Variants in RNF144A observed in about 807,000 individuals in gnomAD.
RNF144A encodes the protein E3 ubiquitin-protein ligase RNF144A.
Under a neutral mutation model 38.7 loss-of-function variants are expected in RNF144A, and 11 were observed. That is an observed-to-expected ratio of 0.28 (90% confidence interval 0.18 to 0.47). RNF144A has a LOEUF of 0.47. Among genes scored for constraint, RNF144A ranks in the 20% least tolerant of loss-of-function variants. The pLI, the probability that RNF144A is intolerant of heterozygous loss-of-function variation, is 0.99. For missense variants in RNF144A, 316 were observed against 377.2 expected (o/e 0.84, Z 1.34); for synonymous variants, 149 against 143.9 (o/e 1.04, Z -0.25).
chr2:7,035,717 G>A (rs1672626822), intron 8 of RNF144A, among the ~76,000 whole-genome samples: 1 of 152,150 alleles, frequency 6.6e-6, no homozygotes, highest in South Asian at 2.1e-4. Context: ...TAGATGTGAA[G>A]CTCAGTAAGA....
chr2:7,040,386 G>T lies in RNF144A; in HGVS notation c.*626G>T. On this transcript the variant is annotated 3_prime_UTR_variant, in exon 9 of 9. Transcript: ENST00000320892. ...ATTTAGAAAGCCTTATGCACTCTTT[G>T]TGTTTTTCTTGAAACTTGCTGTAGT... 1 of 985,370 alleles carries T rather than the reference G, an allele frequency of 1.0e-6. No homozygotes were observed. Among genetic ancestry groups the T allele is most frequent in the Non-Finnish European group, 1.2e-6 (1 of 829,916 alleles). The allele number at this position is 985,370 out of a possible 1,614,324, so 61.0% of individuals were successfully genotyped here. A position where few individuals can be genotyped will look rare whatever the true frequency, so the allele number is the denominator to read the frequency against.
chr2:6,949,418 T>G (rs1666539591), intron 2 of RNF144A, among the ~76,000 whole-genome samples: 2 of 151,880 alleles, frequency 1.3e-5, no homozygotes, highest in African/African-American at 2.4e-5. Context: ...CTTTTTTTTT[T>G]TTTAAGGAAA....
At chr2:6,972,081 T>C (rs542942593) in intron 2 of RNF144A, among the ~76,000 whole-genome samples, 254 of 152,276 alleles carry the variant, frequency 1.7e-3, no homozygotes, top group Non-Finnish European at 2.1e-3. Context: ...CACAAACTTA[T>C]ACAAGTAACT....
intron 5 of RNF144A, 31 bp from the exon 6 acceptor site, chr2:7,020,442 T>C (rs1280988126): frequency 1.3e-6 from 2 of 1,597,774 alleles, no homozygotes; most frequent in South Asian, 1.1e-5. Flanking sequence ...TGGCTTAAGT[T>C]TGATTTGTCC....
At chr2:7,030,315 C>T in intron 8 of RNF144A, 100 bp downstream of exon 8, 1 of 806,226 alleles carries the variant, frequency 1.2e-6, no homozygotes, top group Non-Finnish European at 2.1e-6. Flanking sequence ...GTATGTATAT[C>T]TTTAGTGTTT....
intron 3 of RNF144A, among the ~76,000 whole-genome samples, chr2:6,998,015 A>G (rs1222811807): frequency 6.6e-6 from 1 of 152,234 alleles, no homozygotes; most frequent in Non-Finnish European, 1.5e-5. Flanking sequence ...TTTATGATGT[A>G]TACACGTATA....
Position 6,941,477 on chromosome 2 carries a change from G to A in RNF144A, c.-12+330G>A, listed in dbSNP as rs1036474662. ...ACACGTGGATTGAGCTCCTGCGTGT[G>A]CCAGGCACAGCTCTAACTCAGAACT... On this transcript the variant is annotated intron_variant, in intron 2 of 8. Coordinates refer to ENST00000320892, the MANE Select transcript of RNF144A (RefSeq NM_014746.6). The surrounding 1 kb of genome is among the most constrained non-coding windows in gnomAD (Gnocchi z 6.5). Among the ~76,000 whole-genome samples, 5 of 152,244 alleles carry A rather than the reference G, an allele frequency of 3.3e-5. No homozygotes were observed. The highest frequency in any genetic ancestry group is 1.2e-4 in the African/African-American group (5 of 41,460).
Position 6,998,905 on chromosome 2 carries a change from CG to C in RNF144A, c.135+1850del, listed in dbSNP as rs1276641947. 1.2e-4 allele frequency among the ~76,000 whole-genome samples: 16 copies of C among 138,696 alleles called. No individual in the cohort carries two copies. In the East Asian group the frequency reaches 3.4e-3, roughly 30 times the overall value. 91.0% of individuals were successfully genotyped at this position (138,696 alleles called of 152,430 possible). ...AAAAATGCCTTGTGGGGGGTGGGGGCGGGGGGCATTTGCAGTCTCTGCAGTC... is the reference window on the plus strand; with the variant it reads ...AAAAATGCCTTGTGGGGGGTGGGGGCGGGGGCATTTGCAGTCTCTGCAGTC... On this transcript the variant is annotated intron_variant, in intron 3 of 8. Coordinates refer to ENST00000320892, the MANE Select transcript of RNF144A (RefSeq NM_014746.6).
intron 8 of RNF144A, 96 bp from the exon 9 acceptor site, chr2:7,039,533 T>C: frequency 1.3e-6 from 2 of 1,543,390 alleles, no homozygotes; most frequent in Non-Finnish European, 1.7e-6. Context: ...GATGGATGGA[T>C]GGATGGATGG....
At chr2:6,983,847 C>T (rs898260724) in intron 2 of RNF144A, among the ~76,000 whole-genome samples, 4 of 152,226 alleles carry the variant, frequency 2.6e-5, no homozygotes, top group African/African-American at 2.4e-5. Flanking sequence ...CTCCGTCCTG[C>T]TGCCTACATA....
At position 7,043,754 on chromosome 2, in the gene RNF144A, C is replaced by A. The variant is rs556168648; in HGVS notation, c.*3994C>A. On this transcript the variant is annotated 3_prime_UTR_variant, in exon 9 of 9. Transcript: ENST00000320892. ...CACCCTTCCTTTGATTTGTGCAATT[C>A]TGTCTTCCACAGTTCCGGAGCCTTC... 4.4e-5 allele frequency: 43 copies of A among 985,874 alleles called. No individual in the cohort carries two copies. The highest frequency in any genetic ancestry group is 5.2e-5 in the Non-Finnish European group (43 of 829,928). 61.1% of individuals were successfully genotyped at this position (985,874 alleles called of 1,614,324 possible). A position where few individuals can be genotyped will look rare whatever the true frequency, so the allele number is the denominator to read the frequency against.
In RNF144A at chr2:7,009,779, C is replaced by A. The variant is rs928631846; in HGVS notation, c.136-4675C>A. 2.0e-5 allele frequency among the ~76,000 whole-genome samples: 3 copies of A among 152,136 alleles called. No homozygotes were observed. In the South Asian group the frequency reaches 6.2e-4, roughly 31 times the overall value. On this transcript the variant is annotated intron_variant, in intron 3 of 8. Coordinates refer to ENST00000320892, the MANE Select transcript of RNF144A (RefSeq NM_014746.6). ...TGCCTCCAGCCTCCTTAACCACAGC[C>A]CTCCAGCCTGTGCTGAGGACCCGGC...
At chr2:6,922,618 T>C (rs927187898) in intron 1 of RNF144A, among the ~76,000 whole-genome samples, 1 of 151,404 alleles carries the variant, frequency 6.6e-6, no homozygotes, top group Admixed American at 6.6e-5. Flanking sequence ...CCGGTTTTTC[T>C]TGTTTTTCTT....
chr2:6,980,756 C>T (rs576701554), intron 2 of RNF144A, among the ~76,000 whole-genome samples: 7 of 152,336 alleles, frequency 4.6e-5, no homozygotes, highest in African/African-American at 1.4e-4. Context: ...AGGCAGTGCC[C>T]CAGTGGGGAC....
intron 3 of RNF144A, among the ~76,000 whole-genome samples, chr2:6,999,329 G>A (rs1007528725): frequency 1.6e-4 from 25 of 152,312 alleles, no homozygotes; most frequent in African/African-American, 5.5e-4. Flanking sequence ...GGGTGCCCTG[G>A]TCGCTTTGGT....
intron 2 of RNF144A, among the ~76,000 whole-genome samples, chr2:6,971,223 G>C (rs1198881266): frequency 6.6e-6 from 1 of 152,160 alleles, no homozygotes; most frequent in Non-Finnish European, 1.5e-5. Flanking sequence ...GTCTTGCCCA[G>C]GCCTCTTGGG....
At chr2:7,005,333 G>A (rs1670368907) in intron 3 of RNF144A, among the ~76,000 whole-genome samples, 1 of 152,172 alleles carries the variant, frequency 6.6e-6, no homozygotes, top group South Asian at 2.1e-4. Context: ...GAGGACCATC[G>A]GTGGGCTTCC....
intron 2 of RNF144A, among the ~76,000 whole-genome samples, chr2:6,972,586 C>T (rs924130112): frequency 7.9e-5 from 12 of 152,144 alleles, no homozygotes; most frequent in African/African-American, 1.4e-4. Context: ...CCCTCTCTTC[C>T]AGGCCTCTCT....
downstream of RNF144A, among the ~76,000 whole-genome samples, chr2:7,047,610 C>T (rs114200243): frequency 3.3e-5 from 5 of 152,168 alleles, no homozygotes; most frequent in African/African-American, 1.2e-4. Context: ...CTGAGATATA[C>T]AATTCAAGTT....
Sources: gnomAD v4.1 joint callset for allele counts (sites outside exome capture counted in the v4.1 genomes callset) on GRCh38, gnomAD v4.1.1 for gene constraint, Gnocchi (gnomAD v3.1) non-coding constraint, MANE v1.5 for transcripts, NCBI Gene and HGNC (gene_info 2026-07-23, HGNC 2026-07-21) for gene names.